The following BCAR3 variants were observed in gnomAD, a reference collection of about 807,000 sequenced individuals.
BCAR3 encodes BCAR3 adaptor protein, NSP family member.
Under a neutral mutation model 80.1 loss-of-function variants are expected in BCAR3, and 37 were observed. That is an observed-to-expected ratio of 0.46 (90% CI 0.36 to 0.61). BCAR3 has a LOEUF of 0.61. Among genes scored for constraint, BCAR3 ranks in the 20% least tolerant of loss-of-function variants. The pLI, the probability that BCAR3 is intolerant of heterozygous loss-of-function variation, is 0.00. For synonymous variants in BCAR3, 389 were observed against 418.9 expected (o/e 0.93, Z 0.87); for missense variants, 978 against 1,068.2 (o/e 0.92, Z 1.18).
chr1:93,651,594 G>A (rs1438199193), intron 2 of BCAR3, among the ~76,000 whole-genome samples: 1 of 152,224 alleles, frequency 6.6e-6, no homozygotes, highest in Non-Finnish European at 1.5e-5. Flanking sequence ...CAGCTAGGAA[G>A]AGGAGTCTGA....
intron 2 of BCAR3, among the ~76,000 whole-genome samples, chr1:93,660,498 G>A (rs529030677): frequency 6.6e-6 from 1 of 152,314 alleles, no homozygotes; most frequent in African/African-American, 2.4e-5. Flanking sequence ...AGGAAAAAGA[G>A]AAAACAAACA....
intron 2 of BCAR3, among the ~76,000 whole-genome samples, chr1:93,660,560 A>G (rs1174398878): frequency 6.6e-6 from 1 of 152,246 alleles, no homozygotes; most frequent in Non-Finnish European, 1.5e-5. Context: ...TTTTGGAAAA[A>G]TATCAGCTAG....
chr1:93,572,847 C>G (rs1232658321), intron 8 of BCAR3, among the ~76,000 whole-genome samples: 2 of 152,184 alleles, frequency 1.3e-5, no homozygotes, highest in Non-Finnish European at 2.9e-5. Context: ...CTCTCCGTGC[C>G]CAGGTGTGTT....
chr1:93,616,579 T>C (rs138228566), intron 3 of BCAR3, among the ~76,000 whole-genome samples: 76 of 152,364 alleles, frequency 5.0e-4, no homozygotes, highest in African/African-American at 1.8e-3. Flanking sequence ...ATCTGGTATC[T>C]GATCACATAG....
At chr1:93,722,943 T>C (rs1650454522) in intron 2 of BCAR3, among the ~76,000 whole-genome samples, 2 of 151,878 alleles carry the variant, frequency 1.3e-5, no homozygotes, top group South Asian at 4.2e-4. Context: ...TTCAAATAGA[T>C]GGGGGTTGAG....
intron 2 of BCAR3, among the ~76,000 whole-genome samples, chr1:93,723,008 G>T (rs1650459394): frequency 6.6e-6 from 1 of 152,152 alleles, no homozygotes; most frequent in South Asian, 2.1e-4. Context: ...GTGATTAGAG[G>T]CTTGGGCAGA....
intron 2 of BCAR3, chr1:93,753,532 A>G (rs983613703): frequency 5.6e-5 from 8 of 144,140 alleles, no homozygotes; most frequent in South Asian, 2.3e-4. Context: ...ATGCGCGCAT[A>G]TGCACGCGGG....
At chr1:93,578,816 T>TAAC (rs1057435308) in intron 7 of BCAR3, among the ~76,000 whole-genome samples, 18 of 151,942 alleles carry the variant, frequency 1.2e-4, no homozygotes, top group Non-Finnish European at 2.4e-4. Context: ...GCTGAATATA[T>TAAC]AACACGGATA....
intron 3 of BCAR3, among the ~76,000 whole-genome samples, chr1:93,702,406 T>C (rs1649676461): frequency 6.6e-6 from 1 of 152,116 alleles, no homozygotes; most frequent in African/African-American, 2.4e-5. Context: ...TCCCCCAACT[T>C]ATCAGCTCAG....
At chr1:93,815,726 T>C (rs1653995120) in intron 2 of BCAR3, among the ~76,000 whole-genome samples, 1 of 152,230 alleles carries the variant, frequency 6.6e-6, no homozygotes, top group Admixed American at 6.5e-5. Context: ...AAGGGCCATG[T>C]ACATTTGTAT....
chr1:93,567,912 C>T (rs895279040), intron 9 of BCAR3, 61 bp from the exon 10 acceptor site: 98 of 1,416,578 alleles, frequency 6.9e-5, no homozygotes, highest in Middle Eastern at 3.9e-4. Flanking sequence ...AGTGGCTGGG[C>T]GTGGTAGCTC....
At chr1:93,748,180 A>C (rs1651423701) in intron 2 of BCAR3, among the ~76,000 whole-genome samples, 1 of 152,122 alleles carries the variant, frequency 6.6e-6, no homozygotes, top group South Asian at 2.1e-4. Context: ...GCTGGGATTG[A>C]GCATAGAGAG....
intron 3 of BCAR3, among the ~76,000 whole-genome samples, chr1:93,703,976 G>A (rs1178926778): frequency 6.6e-6 from 1 of 152,246 alleles, no homozygotes; most frequent in Non-Finnish European, 1.5e-5. Context: ...AAAATTAAGT[G>A]AAATTAAACA....
chr1:93,762,298 C>CT (rs11417801), intron 2 of BCAR3, among the ~76,000 whole-genome samples: 27,234 of 152,066 alleles, frequency 0.18, 3,508 homozygotes, highest in African/African-American at 0.36. Flanking sequence ...CCATGCACAT[C>CT]AACTCATGCT....
At chr1:93,685,925 TG>T (rs529761891), upstream of BCAR3, among the ~76,000 whole-genome samples, 121 of 152,336 alleles carry the variant, frequency 7.9e-4, no homozygotes, top group African/African-American at 2.7e-3. Context: ...TTTTCTTTTT[TG>T]GAATTTGTAT....
intron 2 of BCAR3, among the ~76,000 whole-genome samples, chr1:93,644,463 C>T (rs938734732): frequency 6.6e-6 from 1 of 152,190 alleles, no homozygotes; most frequent in Non-Finnish European, 1.5e-5. Context: ...AGTTGTCCCA[C>T]CTTTCTGGAC....
At chr1:93,643,281 TG>T (rs1165643342) in intron 2 of BCAR3, among the ~76,000 whole-genome samples, 4 of 149,968 alleles carry the variant, frequency 2.7e-5, no homozygotes, top group African/African-American at 9.8e-5. Flanking sequence ...CCCAGCATTT[TG>T]GGGGGGCCGA....
intron 1 of BCAR3, among the ~76,000 whole-genome samples, chr1:93,678,703 C>T (rs571448964): frequency 2.0e-5 from 3 of 152,166 alleles, no homozygotes; most frequent in South Asian, 4.2e-4. Context: ...ATGACTGTTG[C>T]GGGTGGAGAG....
At chr1:93,602,830 C>T (rs1384786002) in intron 3 of BCAR3, among the ~76,000 whole-genome samples, 5 of 152,172 alleles carry the variant, frequency 3.3e-5, no homozygotes, top group Non-Finnish European at 7.3e-5. Flanking sequence ...GTTTGAAGAC[C>T]AGTTACTTCT....
Sources: allele counts gnomAD v4.1 joint callset (sites outside exome capture counted in the v4.1 genomes callset), GRCh38; gene constraint gnomAD v4.1.1; transcripts MANE v1.5; gene names NCBI Gene and HGNC (gene_info 2026-07-23, HGNC 2026-07-21).